Variants in FBXL20 observed in about 807,000 individuals in gnomAD.
FBXL20 encodes F-box and leucine rich repeat protein 20.
FBXL20 carries 11 observed loss-of-function variants against 64.0 expected under a neutral mutation model. The ratio of observed to expected loss-of-function variants is 0.17; its 90% CI spans 0.11 to 0.28. FBXL20 has a LOEUF of 0.28. Among genes scored for constraint, FBXL20 ranks in the 10% least tolerant of loss-of-function variants. The probability of loss-of-function intolerance (pLI) is 1.00; values close to 1 mark genes in which losing one functional copy is unlikely to be tolerated. For missense variants in FBXL20, 303 were observed against 526.2 expected (o/e 0.58, Z 4.15); for synonymous variants, 184 against 189.0 (o/e 0.97, Z 0.22).
At chr17:39,359,210 C>T (rs1462726484) in intron 1 of FBXL20, among the ~76,000 whole-genome samples, 1 of 152,086 alleles carries the variant, frequency 6.6e-6, no homozygotes, top group Non-Finnish European at 1.5e-5. Context: ...CGCACTTGTA[C>T]CTGTAGTCCC....
rs962238429 is a variant in FBXL20 at position 39,253,888 on chromosome 17, T to C, written c.*7572A>G. On this transcript the variant is annotated 3_prime_UTR_variant, in exon 15 of 15. Transcript: ENST00000264658. ...TAGAGACTTTTTCAAGTTAAGATTTTCTAAGACCTTAGGTTTTCATTCTCT... is the reference window on the plus strand; with the variant it reads ...TAGAGACTTTTTCAAGTTAAGATTTCCTAAGACCTTAGGTTTTCATTCTCT... 4.0e-4 allele frequency: 61 copies of C among 152,216 alleles called. No individual in the cohort carries two copies. The highest frequency in any genetic ancestry group is 1.5e-3 in the African/African-American group (61 of 41,516). 9.4% of individuals were successfully genotyped at this position (152,216 alleles called of 1,614,324 possible).
At chr17:39,335,715 AT>A (rs1239003903) in intron 2 of FBXL20, among the ~76,000 whole-genome samples, 6 of 152,116 alleles carry the variant, frequency 3.9e-5, no homozygotes, top group Admixed American at 3.9e-4. Flanking sequence ...GTAAGTACAT[AT>A]GGTTTTGCTC....
intron 2 of FBXL20, among the ~76,000 whole-genome samples, chr17:39,336,372 GAC>G (rs1005933636): frequency 3.3e-5 from 5 of 152,018 alleles, no homozygotes; most frequent in African/African-American, 1.2e-4. Context: ...AAACTCAAAA[GAC>G]ACACACAAAT....
chr17:39,266,070 T>C (rs987032168), intron 12 of FBXL20, among the ~76,000 whole-genome samples: 2 of 123,678 alleles, frequency 1.6e-5, no homozygotes, highest in African/African-American at 7.9e-5. Flanking sequence ...TCATTCTTTT[T>C]TTTTTTTTTT....
At chr17:39,292,145 T>G (rs920131993) in intron 6 of FBXL20, among the ~76,000 whole-genome samples, 1 of 150,734 alleles carries the variant, frequency 6.6e-6, no homozygotes, top group African/African-American at 2.5e-5. Flanking sequence ...TTGATAGTGT[T>G]GCTGAAGTCC....
chr17:39,374,366 T>C (rs2047947017), intron 1 of FBXL20, among the ~76,000 whole-genome samples: 2 of 150,042 alleles, frequency 1.3e-5, no homozygotes, highest in Admixed American at 6.7e-5. Flanking sequence ...CCGTCTCTAC[T>C]AAAAATACAA....
chr17:39,268,333 A>G (rs1451012695), intron 12 of FBXL20, among the ~76,000 whole-genome samples: 1 of 152,164 alleles, frequency 6.6e-6, no homozygotes, highest in African/African-American at 2.4e-5. Flanking sequence ...AGCCTGGGCA[A>G]CAACAGTGAA....
intron 1 of FBXL20, among the ~76,000 whole-genome samples, chr17:39,351,700 T>G (rs1428611538): frequency 3.3e-5 from 5 of 152,170 alleles, no homozygotes; most frequent in African/African-American, 1.2e-4. Context: ...TCATGATATA[T>G]TTCTGTCATC....
chr17:39,396,523 G>A (rs1274181091), intron 1 of FBXL20, among the ~76,000 whole-genome samples: 1 of 150,998 alleles, frequency 6.6e-6, no homozygotes, highest in Non-Finnish European at 1.5e-5. Context: ...TTGAACCCAG[G>A]AGGCGGAGGT....
intron 1 of FBXL20, among the ~76,000 whole-genome samples, chr17:39,385,051 T>C (rs2144663140): frequency 6.6e-6 from 1 of 152,316 alleles, no homozygotes; most frequent in Non-Finnish European, 1.5e-5. Flanking sequence ...TGGCACACAA[T>C]GGCTCACACC....
chr17:39,370,652 G>A (rs796138146), intron 1 of FBXL20, among the ~76,000 whole-genome samples: 52 of 151,214 alleles, frequency 3.4e-4, no homozygotes, highest in African/African-American at 1.2e-3. Context: ...AAAATTAGCC[G>A]GGCGTGGTAG....
intron 2 of FBXL20, among the ~76,000 whole-genome samples, chr17:39,319,693 A>AAAAC (rs1567878314): frequency 2.0e-5 from 3 of 149,566 alleles, no homozygotes; most frequent in African/African-American, 7.5e-5. Context: ...AAAAAAAAAA[A>AAAAC]AAACTATAGC....
At chr17:39,290,932 AACT>A (rs2047032126) in intron 6 of FBXL20, among the ~76,000 whole-genome samples, 1 of 151,000 alleles carries the variant, frequency 6.6e-6, no homozygotes, top group Non-Finnish European at 1.5e-5. Flanking sequence ...TTGAACAATC[AACT>A]TTTACTTTAT....
chr17:39,326,944 C>T (rs1217472871), intron 2 of FBXL20, among the ~76,000 whole-genome samples: 1 of 149,958 alleles, frequency 6.7e-6, no homozygotes. Context: ...TGCAGTGGAG[C>T]ATCTTGGCTC....
chr17:39,308,778 G>A (rs904644305), intron 2 of FBXL20, among the ~76,000 whole-genome samples: 2 of 151,704 alleles, frequency 1.3e-5, no homozygotes, highest in Non-Finnish European at 2.9e-5. Flanking sequence ...TGTTAATCAG[G>A]ATGGTCTCAA....
intron 2 of FBXL20, among the ~76,000 whole-genome samples, chr17:39,328,516 C>A (rs1339074647): frequency 6.6e-6 from 1 of 152,020 alleles, no homozygotes; most frequent in African/African-American, 2.4e-5. Context: ...ATAATGATAA[C>A]CCAAATGAGA....
Position 39,254,087 on chromosome 17 carries a change from C to CT in FBXL20, c.*7372dup, listed in dbSNP as rs1351573262. On this transcript the variant is annotated 3_prime_UTR_variant, in exon 15 of 15. Transcript: ENST00000264658. ...GAAGCAAAGTTTTCTTTTCTTTTCT[C>CT]TTTTTTGTGAGATGGAGTCTCACTC... The CT allele has an allele frequency of 1.3e-5, 2 of 152,138 alleles. No homozygotes were observed. The highest frequency in any genetic ancestry group is 4.8e-5 in the African/African-American group (2 of 41,428). The allele number at this position is 152,138 out of a possible 1,614,324, so 9.4% of individuals were successfully genotyped here.
Position 39,255,485 on chromosome 17 carries a change from G to T in FBXL20, c.*5975C>A, listed in dbSNP as rs1423147247. 6.6e-6 allele frequency: 1 copy of T among 151,868 alleles called. No homozygotes were observed. Among genetic ancestry groups the T allele is most frequent in the African/African-American group, 2.4e-5 (1 of 41,326 alleles). 9.4% of individuals were successfully genotyped at this position (151,868 alleles called of 1,614,324 possible). A position where few individuals can be genotyped will look rare whatever the true frequency, so the allele number is the denominator to read the frequency against. ...CAACAGGTAGATGTGACTTGAGGGG[G>T]AAGCTGCAGAAGCCCATCATGCAAG... is the stretch of plus-strand genomic sequence containing the variant. On this transcript the variant is annotated 3_prime_UTR_variant, in exon 15 of 15. Transcript: ENST00000264658.
intron 1 of FBXL20, among the ~76,000 whole-genome samples, chr17:39,392,165 C>T (rs999777313): frequency 8.7e-5 from 13 of 149,774 alleles, no homozygotes; most frequent in African/African-American, 2.5e-4. Context: ...AACAGCCAGG[C>T]GCAGTGGCTC....
Sources: gnomAD v4.1 joint callset for allele counts (sites outside exome capture counted in the v4.1 genomes callset) on GRCh38, gnomAD v4.1.1 for gene constraint, MANE v1.5 for transcripts, NCBI Gene and HGNC (gene_info 2026-07-23, HGNC 2026-07-21) for gene names.